Variants in DGKI observed in about 807,000 individuals in gnomAD.
DGKI encodes diacylglycerol kinase iota.
DGKI carries 55 observed loss-of-function variants against 147.5 expected under a neutral mutation model. The ratio of observed to expected loss-of-function variants is 0.37; its 90% CI spans 0.30 to 0.47. DGKI has a LOEUF of 0.47. Among genes scored for constraint, DGKI ranks in the 20% least tolerant of loss-of-function variants. The pLI is 1.00. For synonymous variants in DGKI, 469 were observed against 477.1 expected (o/e 0.98, Z 0.22); for missense variants, 1,007 against 1,323.8 (o/e 0.76, Z 3.71).
chr7:137,647,149 C>T (rs187242382), intron 5 of DGKI, among the ~76,000 whole-genome samples: 8 of 152,046 alleles, frequency 5.3e-5, no homozygotes, highest in Non-Finnish European at 8.8e-5. Flanking sequence ...GTGAGCCATG[C>T]GCTTTAAAAA....
chr7:137,820,265 C>T (rs192353183), intron 1 of DGKI, among the ~76,000 whole-genome samples: 1 of 152,236 alleles, frequency 6.6e-6, no homozygotes, highest in African/African-American at 2.4e-5. Flanking sequence ...CAGCAGGAGG[C>T]CCCAATCAGC....
At chr7:137,439,012 T>C (rs911078024) in intron 28 of DGKI, among the ~76,000 whole-genome samples, 2 of 152,032 alleles carry the variant, frequency 1.3e-5, no homozygotes, top group African/African-American at 4.8e-5. Flanking sequence ...AAAGGCAGAA[T>C]AGTAGTTATT....
chr7:137,583,166 C>T (rs1482268297), intron 14 of DGKI, among the ~76,000 whole-genome samples: 1 of 151,996 alleles, frequency 6.6e-6, no homozygotes, highest in Non-Finnish European at 1.5e-5. Context: ...TAAGGAATGA[C>T]CCCACATGGA....
intron 6 of DGKI, among the ~76,000 whole-genome samples, chr7:137,641,674 C>A (rs1207255765): frequency 6.6e-6 from 1 of 152,152 alleles, no homozygotes; most frequent in Non-Finnish European, 1.5e-5. Flanking sequence ...ATCCAAAAAA[C>A]TTCTGGTTCC....
chr7:137,649,073 A>G (rs1399267966), intron 5 of DGKI, among the ~76,000 whole-genome samples: 1 of 152,166 alleles, frequency 6.6e-6, no homozygotes, highest in Non-Finnish European at 1.5e-5. Flanking sequence ...TTTAGGCCCA[A>G]TATAAATTTA....
intron 28 of DGKI, among the ~76,000 whole-genome samples, chr7:137,419,340 T>G (rs945849864): frequency 1.3e-5 from 2 of 152,232 alleles, no homozygotes; most frequent in African/African-American, 4.8e-5. Flanking sequence ...TCTTCATAGT[T>G]TGCCTTTATT....
intron 23 of DGKI, among the ~76,000 whole-genome samples, chr7:137,483,238 G>C (rs1528099): frequency 1.3e-5 from 2 of 151,766 alleles, no homozygotes; most frequent in Non-Finnish European, 1.5e-5. Flanking sequence ...TGACTACATC[G>C]TATAAGCCAG....
chr7:137,537,163 G>C (rs903978279), intron 20 of DGKI, among the ~76,000 whole-genome samples: 1 of 152,168 alleles, frequency 6.6e-6, no homozygotes, highest in Non-Finnish European at 1.5e-5. Flanking sequence ...TTACTAGTAA[G>C]AGTACCCAAG....
chr7:137,527,263 T>G (rs915724746), intron 20 of DGKI, among the ~76,000 whole-genome samples: 1 of 152,206 alleles, frequency 6.6e-6, no homozygotes. Context: ...ACTATTATTA[T>G]CGCCCTAGCG....
intron 28 of DGKI, among the ~76,000 whole-genome samples, chr7:137,415,826 A>G (rs1812338260): frequency 1.3e-5 from 2 of 152,110 alleles, no homozygotes; most frequent in Admixed American, 1.3e-4. Context: ...CTAAAAATAA[A>G]AAAATATAAA....
intron 21 of DGKI, among the ~76,000 whole-genome samples, chr7:137,498,761 C>T (rs11977491): frequency 3.3e-5 from 5 of 152,068 alleles, no homozygotes; most frequent in South Asian, 4.1e-4. Flanking sequence ...ATTTGCAATA[C>T]GAATGAGTGT....
chr7:137,808,877 T>C (rs1054416340), intron 1 of DGKI, among the ~76,000 whole-genome samples: 8 of 152,046 alleles, frequency 5.3e-5, no homozygotes, highest in African/African-American at 1.9e-4. Context: ...CATGGCAACA[T>C]TAGAGGTTCT....
intron 1 of DGKI, among the ~76,000 whole-genome samples, chr7:137,698,915 C>G (rs908473908): frequency 2.6e-5 from 4 of 152,072 alleles, no homozygotes; most frequent in Non-Finnish European, 5.9e-5. Context: ...AGGGAAGGAT[C>G]CACAAGATGG....
intron 7 of DGKI, among the ~76,000 whole-genome samples, chr7:137,620,960 TAAAAGTA>T (rs1415018848): frequency 6.6e-6 from 1 of 152,208 alleles, no homozygotes; most frequent in Non-Finnish European, 1.5e-5. Flanking sequence ...GGAACAATGT[TAAAAGTA>T]AAAAGTATCA....
intron 19 of DGKI, 34 bp downstream of exon 19, chr7:137,571,141 C>A: frequency 6.8e-7 from 1 of 1,461,732 alleles, no homozygotes. Flanking sequence ...GACTAAAATA[C>A]ATTTCATTTT....
intron 6 of DGKI, among the ~76,000 whole-genome samples, chr7:137,644,724 T>C (rs1431321280): frequency 6.6e-6 from 1 of 152,210 alleles, no homozygotes; most frequent in Admixed American, 6.5e-5. Flanking sequence ...TTTAAATTGG[T>C]GGTGAACCAC....
chr7:137,508,522 G>A (rs906968261), intron 21 of DGKI, among the ~76,000 whole-genome samples: 11 of 151,740 alleles, frequency 7.2e-5, no homozygotes, highest in East Asian at 2.0e-4. Flanking sequence ...CACCATGCCC[G>A]GCCGACAGGT....
At chr7:137,490,858 T>G (rs759470399) in intron 21 of DGKI, among the ~76,000 whole-genome samples, 2 of 152,174 alleles carry the variant, frequency 1.3e-5, no homozygotes, top group African/African-American at 2.4e-5. Flanking sequence ...ACCTTCACAA[T>G]GGAACTTTTA....
rs151265056 is a variant in DGKI at position 137,546,665 on chromosome 7, C to T, written c.2147+5704G>A. ...AGTCTACAGCAGCTGCTAGAAAAGA[C>T]AAAATGTAGAATTTAAGAAACTAAA... On this transcript the variant is annotated intron_variant, in intron 20 of 32. Coordinates refer to ENST00000614521, the MANE Select transcript of DGKI (RefSeq NM_001321708.2). 3.4e-3 allele frequency among the ~76,000 whole-genome samples: 514 copies of T among 152,298 alleles called. 3 individuals carry two copies. Among genetic ancestry groups the T allele is most frequent in the African/African-American group, 0.011 (471 of 41,566 alleles).
Sources: gnomAD v4.1 joint callset for allele counts (sites outside exome capture counted in the v4.1 genomes callset) on GRCh38, gnomAD v4.1.1 for gene constraint, MANE v1.5 for transcripts, NCBI Gene and HGNC (gene_info 2026-07-23, HGNC 2026-07-21) for gene names.